MRO: variants seen among roughly 807,000 people sequenced by gnomAD.
MRO encodes the protein maestro.
Under a neutral mutation model 31.0 loss-of-function variants are expected in MRO, and 28 were observed. That is an observed-to-expected ratio of 0.90 (90% CI 0.67 to 1.24). MRO has a LOEUF of 1.24. Ranked by LOEUF, MRO falls within the 50% of genes most tolerant of loss-of-function variation. The pLI is 0.00. For missense variants in MRO, 332 were observed against 289.2 expected, an observed-to-expected ratio of 1.15 and a Z score of -1.07; for synonymous variants, 108 against 108.4, an observed-to-expected ratio of 1.00 and a Z score of 0.02.
chr18:50,803,791 G>C (rs1393385496), intron 5 of MRO, among the ~76,000 whole-genome samples: 1 of 152,216 alleles, frequency 6.6e-6, no homozygotes. Context: ...GACACATCTG[G>C]CTCTCGCCAC....
In MRO at chr18:50,819,709, T is replaced by TA. The variant is rs776197415; in HGVS notation, c.-126-8dup. On this transcript the variant is annotated splice_region_variant and splice_polypyrimidine_tract_variant and intron_variant, in intron 1 of 7. Coordinates refer to ENST00000398439, the MANE Select transcript of MRO (RefSeq NM_031939.6). ...TTTTCCCAGCCCTGAATTCCTAACA[T>TA]ACAAGAAGGGAAATTAGGAGGTGAC... 6.5e-7 allele frequency: 1 copy of TA among 1,549,134 alleles called. No homozygotes were observed. Among genetic ancestry groups the TA allele is most frequent in the South Asian group, 1.2e-5 (1 of 83,826 alleles).
intron 7 of MRO, among the ~76,000 whole-genome samples, 162 bp from the exon 8 acceptor site, chr18:50,799,552 T>G (rs940311257): frequency 6.6e-6 from 1 of 152,178 alleles, no homozygotes; most frequent in African/African-American, 2.4e-5. Context: ...TGCCGATATA[T>G]CTCGTGCTTG....
At chr18:50,818,219 A>G (rs895539593) in intron 2 of MRO, among the ~76,000 whole-genome samples, 2 of 152,156 alleles carry the variant, frequency 1.3e-5, no homozygotes, top group Admixed American at 6.5e-5. Flanking sequence ...CACCCGTAAG[A>G]CAGGCATTCT....
intron 2 of MRO, among the ~76,000 whole-genome samples, chr18:50,817,087 G>C (rs927525426): frequency 6.6e-6 from 1 of 152,136 alleles, no homozygotes; most frequent in Non-Finnish European, 1.5e-5. Flanking sequence ...TCCCATGCAC[G>C]GCAAAGTAAA....
At chr18:50,807,025 C>G (rs548751162) in intron 3 of MRO, among the ~76,000 whole-genome samples, 175 bp from the exon 4 acceptor site, 1 of 151,884 alleles carries the variant, frequency 6.6e-6, no homozygotes, top group Non-Finnish European at 1.5e-5. Context: ...GTCTACATAA[C>G]GAAGAAATTG....
At position 50,798,118 on chromosome 18, in the gene MRO, T is replaced by C. The variant is rs564542278; in HGVS notation, c.*1219A>G. The C allele has an allele frequency of 5.3e-4, 80 of 152,200 alleles. No homozygotes were observed. Among genetic ancestry groups the C allele is most frequent in the African/African-American group, 1.8e-3 (76 of 41,512 alleles). The allele number at this position is 152,200 out of a possible 1,614,324, so 9.4% of individuals were successfully genotyped here. A position where few individuals can be genotyped will look rare whatever the true frequency, so the allele number is the denominator to read the frequency against. On this transcript the variant is annotated 3_prime_UTR_variant, in exon 8 of 8. Transcript: ENST00000398439. ...GTGGCCTGGATACTGAATTCAGGGG[T>C]GGTACCAGAGTTTCTATAGAAGCTT...
At chr18:50,813,585 G>A (rs1914642320) in intron 2 of MRO, among the ~76,000 whole-genome samples, 1 of 152,220 alleles carries the variant, frequency 6.6e-6, no homozygotes, top group Admixed American at 6.5e-5. Flanking sequence ...GATGTGGCTG[G>A]TTTGGTGACC....
At chr18:50,804,267 C>T (rs1165149123) in intron 5 of MRO, among the ~76,000 whole-genome samples, 3 of 152,202 alleles carry the variant, frequency 2.0e-5, no homozygotes, top group Non-Finnish European at 4.4e-5. Flanking sequence ...TATAAGACAG[C>T]ATTGACTACA....
At chr18:50,815,817 T>C (rs769421880) in intron 2 of MRO, 1 of 255,756 alleles carries the variant, frequency 3.9e-6, no homozygotes, top group Non-Finnish European at 7.7e-6. Flanking sequence ...GCAGATCACC[T>C]GAGGTCAGGA....
intron 2 of MRO, chr18:50,814,540 C>T (rs1485840601): frequency 5.1e-6 from 1 of 197,954 alleles, no homozygotes; most frequent in East Asian, 1.3e-4. Context: ...AACAAAACAT[C>T]TCGGGGGCCT....
At chr18:50,803,195 T>C (rs1368289188) in intron 5 of MRO, among the ~76,000 whole-genome samples, 5 of 151,970 alleles carry the variant, frequency 3.3e-5, no homozygotes, top group African/African-American at 1.2e-4. Context: ...TGCTCAAAAA[T>C]TCCAGGCAAC....
chr18:50,814,132 G>A (rs868399145), intron 2 of MRO, among the ~76,000 whole-genome samples: 13 of 152,272 alleles, frequency 8.5e-5, no homozygotes, highest in Middle Eastern at 3.4e-3. Context: ...GCCGACAGGT[G>A]CCTGACAATG....
At chr18:50,818,001 GC>G (rs200984736) in intron 2 of MRO, among the ~76,000 whole-genome samples, 3,677 of 127,456 alleles carry the variant, frequency 0.029, 143 homozygotes, top group African/African-American at 0.088. Flanking sequence ...CCCACCCCCC[GC>G]CCCATGCCCT....
upstream of MRO, among the ~76,000 whole-genome samples, chr18:50,821,892 G>A (rs1325006270): frequency 6.6e-6 from 1 of 152,074 alleles, no homozygotes; most frequent in Non-Finnish European, 1.5e-5. Context: ...TCTCATAAAC[G>A]GCCTGGATGC....
intron 6 of MRO, among the ~76,000 whole-genome samples, chr18:50,800,778 C>T (rs1455409335): frequency 1.3e-5 from 2 of 151,122 alleles, no homozygotes; most frequent in African/African-American, 4.9e-5. Flanking sequence ...CCCAGCTACT[C>T]AGGAGGTTGA....
chr18:50,801,521 C>A lies in MRO; in HGVS notation c.430-17G>T. On this transcript the variant is annotated splice_polypyrimidine_tract_variant and intron_variant, in intron 5 of 7. Coordinates refer to ENST00000398439, the MANE Select transcript of MRO (RefSeq NM_031939.6). ...GTCGTTCTCCTGCGGTCCCCATCAA[C>A]AAAACAATAAGAAAGCCAGATCATT... The A allele has an allele frequency of 1.3e-6, 2 of 1,570,940 alleles. No homozygotes were observed. Among genetic ancestry groups the A allele is most frequent in the South Asian group, 1.2e-5 (1 of 83,968 alleles).
intron 2 of MRO, 153 bp downstream of exon 2, chr18:50,819,428 T>G (rs772787876): frequency 1.3e-5 from 13 of 985,224 alleles, no homozygotes; most frequent in Non-Finnish European, 1.6e-5. Context: ...CCCACTTCAG[T>G]TTTACAAAGA....
upstream of MRO, among the ~76,000 whole-genome samples, chr18:50,822,687 T>TCCCCCGC (rs1018372833): frequency 2.7e-3 from 362 of 135,310 alleles, 2 homozygotes; most frequent in African/African-American, 9.4e-3. Flanking sequence ...AGGAAATACA[T>TCCCCCGC]CCCCCGCCCC....
At chr18:50,813,143 G>C (rs1914608474) in intron 2 of MRO, among the ~76,000 whole-genome samples, 1 of 152,146 alleles carries the variant, frequency 6.6e-6, no homozygotes, top group African/African-American at 2.4e-5. Context: ...TGCCATCCTT[G>C]CTCCCTGGGT....
Sources: gnomAD v4.1 joint callset for allele counts (sites outside exome capture counted in the v4.1 genomes callset) on GRCh38, gnomAD v4.1.1 for gene constraint, MANE v1.5 for transcripts, NCBI Gene and HGNC (gene_info 2026-07-23, HGNC 2026-07-21) for gene names.